The following DMD variants were observed in gnomAD, a reference collection of about 807,000 sequenced individuals.
The protein encoded by DMD is dystrophin, also known as mutant dystrophin.
Under a neutral mutation model 330.1 loss-of-function variants are expected in DMD, and 63 were observed. The ratio of observed to expected loss-of-function variants is 0.19; its 90% CI spans 0.16 to 0.24. The LOEUF is 0.24. Among genes scored for constraint, DMD ranks in the 10% least tolerant of loss-of-function variants. The pLI, the probability that DMD is intolerant of heterozygous loss-of-function variation, is 1.00. For synonymous variants in DMD, 1,223 were observed against 959.8 expected, an observed-to-expected ratio of 1.27 and a Z score of -5.07; for missense variants, 3,344 against 2,684.1, an observed-to-expected ratio of 1.25 and a Z score of -5.43.
intron 2 of DMD, among the ~76,000 whole-genome samples, chrX:32,884,034 C>T (rs964204280): frequency 9.2e-6 from 1 of 109,256 alleles, no homozygotes; most frequent in South Asian, 4.0e-4. Flanking sequence ...GTACTCTATC[C>T]CTTGCCTGTT....
At chrX:31,355,376 T>C (rs1319210047) in intron 60 of DMD, among the ~76,000 whole-genome samples, 1 of 112,243 alleles carries the variant, frequency 8.9e-6, no homozygotes, top group Non-Finnish European at 1.9e-5. Flanking sequence ...ACATAAATCA[T>C]GTTTACTCCA....
chrX:32,822,502 A>C (rs2078349362), intron 5 of DMD, among the ~76,000 whole-genome samples: 1 of 110,628 alleles, frequency 9.0e-6, no homozygotes, highest in Non-Finnish European at 1.9e-5. Context: ...TGATTATACT[A>C]TTATGTATAT....
intron 19 of DMD, among the ~76,000 whole-genome samples, chrX:32,498,124 A>G (rs1253946605): frequency 9.0e-6 from 1 of 111,356 alleles, no homozygotes; most frequent in Non-Finnish European, 1.9e-5. Flanking sequence ...TACCTGGTCT[A>G]GCCTCTCACT....
chrX:32,601,087 C>T (rs2056155676), intron 12 of DMD, among the ~76,000 whole-genome samples: 1 of 111,120 alleles, frequency 9.0e-6, no homozygotes. Context: ...ATTCCTTCTA[C>T]CACCTCTACA....
chrX:32,681,836 A>G (rs150651985), intron 9 of DMD, among the ~76,000 whole-genome samples: 67 of 112,052 alleles, frequency 6.0e-4, no homozygotes, highest in African/African-American at 2.1e-3. Context: ...AAGACAGAAC[A>G]ATGGTAGTGG....
chrX:33,303,681 A>T (rs763322242), intron 1 of DMD, among the ~76,000 whole-genome samples: 1 of 111,207 alleles, frequency 9.0e-6, no homozygotes, highest in South Asian at 3.8e-4. Context: ...TGATGGTTTT[A>T]TAAGGGACTT....
In DMD at chrX:32,240,928, G is replaced by A. The variant is rs376432766; in HGVS notation, c.6291-23865C>T. Among the ~76,000 whole-genome samples, 8 of 111,390 alleles carry A rather than the reference G, an allele frequency of 7.2e-5. No individual in the cohort carries two copies. In the East Asian group the frequency reaches 8.5e-4, roughly 12 times the overall value. On this transcript the variant is annotated intron_variant, in intron 43 of 78. Transcript: ENST00000357033. ...AACCCCTTTATTTCCAGCCCCTCTC[G>A]GGAATATATGGCCTTCTAAAACACC... is the stretch of plus-strand genomic sequence containing the variant.
intron 1 of DMD, among the ~76,000 whole-genome samples, chrX:33,165,230 T>G (rs2048992979): frequency 9.0e-6 from 1 of 111,620 alleles, no homozygotes; most frequent in Non-Finnish European, 1.9e-5. Flanking sequence ...GTTTCAGCAT[T>G]GCATGACAAA....
chrX:32,117,105 A>C (rs1212220359), intron 44 of DMD, among the ~76,000 whole-genome samples: 1 of 111,454 alleles, frequency 9.0e-6, no homozygotes, highest in African/African-American at 3.3e-5. Flanking sequence ...TCATGTTTCT[A>C]AGCCTCACTC....
At chrX:32,549,049 T>A (rs893108984) in intron 16 of DMD, among the ~76,000 whole-genome samples, 2 of 111,973 alleles carry the variant, frequency 1.8e-5, no homozygotes, top group African/African-American at 3.2e-5. Flanking sequence ...AAAATACATT[T>A]CTTTTTAAAA....
intron 29 of DMD, among the ~76,000 whole-genome samples, chrX:32,437,191 T>A (rs957840197): frequency 8.9e-6 from 1 of 112,151 alleles, no homozygotes; most frequent in Admixed American, 9.4e-5. Flanking sequence ...GGACCAGAGA[T>A]TGTTTGGAAT....
chrX:31,292,506 C>T (rs1201201318), intron 62 of DMD, among the ~76,000 whole-genome samples: 1 of 112,021 alleles, frequency 8.9e-6, no homozygotes, highest in African/African-American at 3.2e-5. Context: ...TCATATACTG[C>T]TAATGATGGT....
chrX:32,541,143 G>A (rs2048445259), intron 17 of DMD, among the ~76,000 whole-genome samples: 1 of 111,548 alleles, frequency 9.0e-6, no homozygotes, highest in African/African-American at 3.3e-5. Context: ...AGAGATGTCA[G>A]GTGGTAAATT....
Position 32,730,313 on chromosome X carries a change from T to C in DMD, c.650-31020A>G, listed in dbSNP as rs145916588. On this transcript the variant is annotated intron_variant, in intron 7 of 78. Transcript: ENST00000357033. The stretch of plus-strand genomic sequence containing the variant: ...GTAAGCTACGACTGTGCTAGTGCAC[T>C]CCAGCCTGGGCAAAAGAGTAATATC... 4.9e-3 allele frequency among the ~76,000 whole-genome samples: 547 copies of C among 112,499 alleles called. 12 individuals carry two copies. The highest frequency in any genetic ancestry group is 0.017 in the African/African-American group (518 of 30,984).
chrX:33,307,374 C>T (rs1040403440), intron 1 of DMD, among the ~76,000 whole-genome samples: 6 of 112,068 alleles, frequency 5.4e-5, no homozygotes, highest in Admixed American at 2.8e-4. Context: ...TGACATTTCA[C>T]TCACGAGTCA....
chrX:31,318,802 A>G (rs1161896001), intron 62 of DMD, among the ~76,000 whole-genome samples: 1 of 112,074 alleles, frequency 8.9e-6, no homozygotes, highest in Admixed American at 9.4e-5. Flanking sequence ...GAACCTGATG[A>G]AATGCATTAC....
chrX:33,119,878 G>A (rs2148479975), intron 1 of DMD, among the ~76,000 whole-genome samples: 1 of 111,633 alleles, frequency 9.0e-6, no homozygotes, highest in East Asian at 2.8e-4. Context: ...TTTCTCTGCT[G>A]TTCCATGAGC....
At chrX:32,151,013 A>T (rs1289485487) in intron 44 of DMD, among the ~76,000 whole-genome samples, 3 of 111,310 alleles carry the variant, frequency 2.7e-5, no homozygotes, top group African/African-American at 9.8e-5. Flanking sequence ...AGAATATGAT[A>T]TATTTCTCTA....
Position 32,718,436 on chromosome X carries a change from A to T in DMD, c.650-19143T>A, listed in dbSNP as rs1282997324. On this transcript the variant is annotated intron_variant, in intron 7 of 78. Coordinates refer to ENST00000357033, the MANE Select transcript of DMD (RefSeq NM_004006.3). The stretch of plus-strand genomic sequence containing the variant: ...GTGATTTCCTGAGACCTCCCCAGCC[A>T]TGCTTCCCATACAGCCTGTGGAACT... Among the ~76,000 whole-genome samples the T allele has an allele frequency of 3.6e-5, 4 of 111,209 alleles. No homozygotes were observed. The South Asian group carries it at 1.5e-3, about 42-fold the overall frequency.
Sources: gnomAD v4.1 joint callset for allele counts (sites outside exome capture counted in the v4.1 genomes callset) on GRCh38, gnomAD v4.1.1 for gene constraint, MANE v1.5 for transcripts, NCBI Gene and HGNC (gene_info 2026-07-23, HGNC 2026-07-21) for gene names.